The following ERC2 variants were observed in gnomAD, a reference collection of about 807,000 sequenced individuals.
ERC2 encodes the protein ERC protein 2.
A neutral mutation model predicts 114.8 loss-of-function variants in ERC2; 42 were observed. The observed-to-expected ratio is 0.37, with a 90% CI of 0.29 to 0.47. The LOEUF (loss-of-function observed/expected upper bound fraction) is 0.47. Among genes scored for constraint, ERC2 ranks in the 20% least tolerant of loss-of-function variants. ERC2 has a pLI of 0.99. For missense variants in ERC2, 939 were observed against 1,150.7 expected, an observed-to-expected ratio of 0.82 and a Z score of 2.66; for synonymous variants, 454 against 425.5, an observed-to-expected ratio of 1.07 and a Z score of -0.82.
chr3:56,200,866 C>A (rs1279661511), intron 3 of ERC2, among the ~76,000 whole-genome samples: 2 of 152,212 alleles, frequency 1.3e-5, no homozygotes, highest in East Asian at 1.9e-4. Context: ...GCAAATACTA[C>A]AAATCAGGAA....
intron 15 of ERC2, among the ~76,000 whole-genome samples, chr3:55,703,931 C>G (rs1217604401): frequency 6.6e-5 from 10 of 152,036 alleles, no homozygotes; most frequent in Non-Finnish European, 1.5e-4. Flanking sequence ...CTAATTGGAC[C>G]CAGTGCAATA....
intron 2 of ERC2, among the ~76,000 whole-genome samples, chr3:56,339,802 G>T (rs2058014728): frequency 6.6e-6 from 1 of 152,044 alleles, no homozygotes; most frequent in South Asian, 2.1e-4. Context: ...GACAACACCA[G>T]CTAATGACAA....
intron 17 of ERC2, among the ~76,000 whole-genome samples, chr3:55,523,344 A>T (rs1357570944): frequency 6.6e-6 from 1 of 152,230 alleles, no homozygotes; most frequent in Non-Finnish European, 1.5e-5. Context: ...GTGCCAATCC[A>T]TGAACAGAGA....
At chr3:55,835,189 A>C (rs2060815413) in intron 14 of ERC2, among the ~76,000 whole-genome samples, 1 of 152,150 alleles carries the variant, frequency 6.6e-6, no homozygotes, top group Non-Finnish European at 1.5e-5. Context: ...AGGAACTGGT[A>C]CCATTCCTTC....
rs960310194 is a variant in ERC2, at chr3:55,973,965, A to G, written c.2267+12012T>C. Among the ~76,000 whole-genome samples, 10 of 152,304 alleles carry G rather than the reference A, an allele frequency of 6.6e-5. No homozygotes were observed. In the East Asian group the frequency reaches 1.9e-3, roughly 29 times the overall value. On this transcript the variant is annotated intron_variant, in intron 12 of 17. Coordinates refer to ENST00000288221, the MANE Select transcript of ERC2 (RefSeq NM_015576.3). ...AAACATTTTAATTTTAGAAAACTAT[A>G]TAAAAGTAAGATGTCTATCAGAGAT...
intron 14 of ERC2, among the ~76,000 whole-genome samples, chr3:55,784,780 T>C (rs527933645): frequency 6.6e-6 from 1 of 152,374 alleles, no homozygotes; most frequent in Non-Finnish European, 1.5e-5. Context: ...CTGGGAGACA[T>C]GCCTTTGTCT....
At chr3:56,190,776 G>T (rs2083943518) in intron 3 of ERC2, among the ~76,000 whole-genome samples, 1 of 151,978 alleles carries the variant, frequency 6.6e-6, no homozygotes, top group Non-Finnish European at 1.5e-5. Flanking sequence ...GTCTCATCTT[G>T]TTGCCTAGGC....
intron 1 of ERC2, among the ~76,000 whole-genome samples, chr3:56,460,544 A>C (rs114129651): frequency 0.01 from 1,540 of 152,336 alleles, 29 homozygotes; most frequent in African/African-American, 0.036. Context: ...GGTAATATGA[A>C]ATGAGCAATA....
In ERC2 at chr3:55,733,290, CCT is replaced by C. The variant is rs1231563936; in HGVS notation, c.2712+1479_2712+1480del. ...GGTCAGGTGTAAGCAATCTCTGACC[CCT>C]GAGGCCAGCGTTAGCAAGGCATGCC... On this transcript the variant is annotated intron_variant, in intron 15 of 17. Coordinates refer to ENST00000288221, the MANE Select transcript of ERC2 (RefSeq NM_015576.3). 5.3e-5 allele frequency among the ~76,000 whole-genome samples: 8 copies of C among 152,110 alleles called. No individual in the cohort carries two copies. In the South Asian group the frequency reaches 1.7e-3, roughly 32 times the overall value.
chr3:55,626,918 T>C (rs1197034765), intron 17 of ERC2, among the ~76,000 whole-genome samples: 2 of 152,248 alleles, frequency 1.3e-5, no homozygotes. Flanking sequence ...TCACAGGACA[T>C]TGTACAGGTC....
At chr3:56,385,535 G>T (rs1477566495) in intron 2 of ERC2, among the ~76,000 whole-genome samples, 2 of 152,114 alleles carry the variant, frequency 1.3e-5, no homozygotes, top group Non-Finnish European at 2.9e-5. Flanking sequence ...AGCAACTAGT[G>T]GGTGAAAACG....
intron 14 of ERC2, among the ~76,000 whole-genome samples, chr3:55,777,461 A>C (rs1027779674): frequency 6.6e-6 from 1 of 152,246 alleles, no homozygotes; most frequent in Non-Finnish European, 1.5e-5. Flanking sequence ...GTGGGCATAC[A>C]GGCACCCCTG....
intron 17 of ERC2, among the ~76,000 whole-genome samples, chr3:55,652,407 G>A (rs150704134): frequency 2.7e-4 from 41 of 152,204 alleles, no homozygotes; most frequent in African/African-American, 9.9e-4. Context: ...CTATAAAGGT[G>A]GACATTTACA....
intron 7 of ERC2, among the ~76,000 whole-genome samples, chr3:56,059,579 T>A (rs1560104416): frequency 6.6e-6 from 1 of 152,216 alleles, no homozygotes; most frequent in Non-Finnish European, 1.5e-5. Context: ...TTAATTTCCA[T>A]CTTTGCCCAG....
At chr3:56,224,253 A>G (rs1271150088) in intron 3 of ERC2, among the ~76,000 whole-genome samples, 2 of 152,226 alleles carry the variant, frequency 1.3e-5, no homozygotes, top group African/African-American at 2.4e-5. Flanking sequence ...TCCCACTACT[A>G]GGAATTTGTC....
intron 14 of ERC2, among the ~76,000 whole-genome samples, chr3:55,822,907 C>T (rs2060187959): frequency 1.3e-5 from 2 of 152,180 alleles, no homozygotes; most frequent in Admixed American, 6.5e-5. Flanking sequence ...GCCGCCGCAC[C>T]GAGCCCCAAG....
At chr3:56,033,050 A>C (rs370401195) in intron 7 of ERC2, among the ~76,000 whole-genome samples, 11 of 106,990 alleles carry the variant, frequency 1.0e-4, no homozygotes, top group South Asian at 3.0e-4. Context: ...GAAAGAAAGA[A>C]AGAAAGAAAG....
chr3:55,918,089 T>C (rs777506951), intron 13 of ERC2, among the ~76,000 whole-genome samples: 6 of 152,084 alleles, frequency 3.9e-5, no homozygotes, highest in Non-Finnish European at 7.4e-5. Flanking sequence ...TATCTAGATA[T>C]CATATAGAGA....
intron 14 of ERC2, among the ~76,000 whole-genome samples, chr3:55,743,170 A>G (rs995577924): frequency 6.6e-6 from 1 of 152,216 alleles, no homozygotes; most frequent in Non-Finnish European, 1.5e-5. Context: ...CACGGGGGCC[A>G]TGGAGTCTTG....
Sources: allele counts gnomAD v4.1 joint callset (sites outside exome capture counted in the v4.1 genomes callset), GRCh38; gene constraint gnomAD v4.1.1; transcripts MANE v1.5; gene names NCBI Gene and HGNC (gene_info 2026-07-23, HGNC 2026-07-21).